The following RABGAP1L variants were observed in gnomAD, a reference collection of about 807,000 sequenced individuals.
RABGAP1L encodes the protein RAB GTPase activating protein 1 like.
A neutral mutation model predicts 137.7 loss-of-function variants in RABGAP1L; 63 were observed. The observed-to-expected ratio is 0.46, with a 90% CI of 0.37 to 0.56. The LOEUF is 0.56. RABGAP1L is among the 20% of genes least tolerant of loss of function. The probability of loss-of-function intolerance (pLI) is 0.00; values close to 1 mark genes in which losing one functional copy is unlikely to be tolerated. For synonymous variants in RABGAP1L, 431 were observed against 433.7 expected, an observed-to-expected ratio of 0.99 and a Z score of 0.08; for missense variants, 1,095 against 1,244.0, an observed-to-expected ratio of 0.88 and a Z score of 1.80.
intron 19 of RABGAP1L, chr1:174,874,551 A>C (rs182869485): frequency 1.3e-3 from 798 of 612,306 alleles, no homozygotes; most frequent in Non-Finnish European, 1.5e-3. Flanking sequence ...ACAGCCCTTG[A>C]TCTCAGGTAA....
At position 174,275,822 on chromosome 1, in the gene RABGAP1L, A is replaced by G; in HGVS notation, c.1054-11A>G. ...GTCTTTTATCAGTAATTACTGTTTGAATTTTTATAGGAATCCATGGGAAAG... is the reference window on the plus strand; with the variant it reads ...GTCTTTTATCAGTAATTACTGTTTGGATTTTTATAGGAATCCATGGGAAAG... On this transcript the variant is annotated splice_polypyrimidine_tract_variant and intron_variant, in intron 8 of 25. Transcript: ENST00000681986. The G allele has an allele frequency of 6.2e-7, 1 of 1,600,246 alleles. No homozygotes were observed. The highest frequency in any genetic ancestry group is 1.1e-5 in the South Asian group (1 of 88,784).
intron 13 of RABGAP1L, among the ~76,000 whole-genome samples, chr1:174,563,779 T>G (rs1362159654): frequency 1.3e-5 from 2 of 152,126 alleles, no homozygotes; most frequent in Non-Finnish European, 2.9e-5. Flanking sequence ...ATATACCTTT[T>G]CTGTTCTGGT....
intron 11 of RABGAP1L, among the ~76,000 whole-genome samples, chr1:174,330,129 A>G (rs1434128020): frequency 6.6e-6 from 1 of 152,184 alleles, no homozygotes; most frequent in Non-Finnish European, 1.5e-5. Flanking sequence ...TTTGCAGACA[A>G]TATGATTATC....
At chr1:174,304,947 G>T (rs763007858) in intron 10 of RABGAP1L, 39 bp from the exon 11 acceptor site, 1 of 1,472,184 alleles carries the variant, frequency 6.8e-7, no homozygotes, top group Non-Finnish European at 9.1e-7. Context: ...GTTTCCTTCA[G>T]ATTTCTAATA....
At chr1:174,980,256 G>A (rs1017640413) in intron 23 of RABGAP1L, among the ~76,000 whole-genome samples, 5 of 151,982 alleles carry the variant, frequency 3.3e-5, no homozygotes, top group African/African-American at 7.3e-5. Flanking sequence ...ATTCACGGAC[G>A]ATTGATAAAT....
At chr1:174,470,941 G>T (rs1161134794) in intron 13 of RABGAP1L, among the ~76,000 whole-genome samples, 1 of 152,020 alleles carries the variant, frequency 6.6e-6, no homozygotes, top group African/African-American at 2.4e-5. Context: ...CATTTTCTCA[G>T]TCAAGAATTA....
intron 18 of RABGAP1L, among the ~76,000 whole-genome samples, chr1:174,769,852 CA>C (rs573149215): frequency 3.4e-5 from 5 of 145,228 alleles, no homozygotes; most frequent in Non-Finnish European, 3.0e-5. Flanking sequence ...GACTCCGTCT[CA>C]AAAAAAAAAG....
intron 19 of RABGAP1L, chr1:174,897,228 GCTCT>G: frequency 6.6e-6 from 1 of 152,124 alleles, no homozygotes; most frequent in Admixed American, 6.5e-5. Flanking sequence ...TCATGATTTG[GCTCT>G]CTGTTTGTCT....
chr1:174,397,622 T>C (rs1484585988), intron 13 of RABGAP1L, among the ~76,000 whole-genome samples: 1 of 152,234 alleles, frequency 6.6e-6, no homozygotes, highest in Non-Finnish European at 1.5e-5. Flanking sequence ...GTTTACCTGA[T>C]TAAACCCTGT....
chr1:174,586,190 A>G (rs914296473), intron 13 of RABGAP1L, among the ~76,000 whole-genome samples: 3 of 152,216 alleles, frequency 2.0e-5, no homozygotes, highest in African/African-American at 7.2e-5. Flanking sequence ...AATACTATGC[A>G]GCCATAAAAA....
intron 18 of RABGAP1L, among the ~76,000 whole-genome samples, chr1:174,792,091 A>G (rs1029846303): frequency 1.3e-5 from 2 of 152,210 alleles, no homozygotes; most frequent in African/African-American, 2.4e-5. Context: ...CCTGCCGTGC[A>G]TCTGTGCTCT....
At chr1:174,341,520 G>T (rs527830755) in intron 11 of RABGAP1L, among the ~76,000 whole-genome samples, 1 of 152,088 alleles carries the variant, frequency 6.6e-6, no homozygotes, top group African/African-American at 2.4e-5. Context: ...AAACTTGACC[G>T]CTTACTCATG....
chr1:174,915,881 T>A (rs1660780367), intron 19 of RABGAP1L, among the ~76,000 whole-genome samples: 2 of 152,194 alleles, frequency 1.3e-5, no homozygotes, highest in Non-Finnish European at 2.9e-5. Flanking sequence ...TGTGGCTTTT[T>A]AAAAATTAAT....
chr1:174,490,400 C>T (rs1483960463), intron 13 of RABGAP1L, among the ~76,000 whole-genome samples: 1 of 152,130 alleles, frequency 6.6e-6, no homozygotes, highest in African/African-American at 2.4e-5. Flanking sequence ...GGCAGAGACA[C>T]TTGTTCTCTT....
At chr1:174,883,203 C>T (rs1048257524) in intron 19 of RABGAP1L, among the ~76,000 whole-genome samples, 2 of 152,224 alleles carry the variant, frequency 1.3e-5, no homozygotes, top group African/African-American at 2.4e-5. Context: ...AGTAACTTCT[C>T]TAAGCCTTGG....
chr1:174,274,666 A>G (rs1349428905), intron 8 of RABGAP1L, among the ~76,000 whole-genome samples: 2 of 148,542 alleles, frequency 1.3e-5, no homozygotes, highest in African/African-American at 5.2e-5. Flanking sequence ...CCATTATCAT[A>G]TGAGTGTGTT....
At chr1:174,332,949 AATGTATT>A (rs1304785775) in intron 11 of RABGAP1L, among the ~76,000 whole-genome samples, 1 of 152,222 alleles carries the variant, frequency 6.6e-6, no homozygotes, top group Non-Finnish European at 1.5e-5. Flanking sequence ...GGATAAAGAA[AATGTATT>A]ATACATACAC....
intron 14 of RABGAP1L, among the ~76,000 whole-genome samples, chr1:174,659,236 C>CAA (rs11333708): frequency 2.4e-5 from 3 of 124,570 alleles, no homozygotes; most frequent in South Asian, 2.7e-4. Context: ...TTTACTTTAC[C>CAA]AAAAAAAAAA....
intron 14 of RABGAP1L, among the ~76,000 whole-genome samples, chr1:174,679,269 G>A (rs1572780800): frequency 6.6e-6 from 1 of 152,202 alleles, no homozygotes; most frequent in East Asian, 1.9e-4. Context: ...GGTGGATGCA[G>A]TCACCTTCCC....
Sources: gnomAD v4.1 joint callset for allele counts (sites outside exome capture counted in the v4.1 genomes callset) on GRCh38, gnomAD v4.1.1 for gene constraint, MANE v1.5 for transcripts, NCBI Gene and HGNC (gene_info 2026-07-23, HGNC 2026-07-21) for gene names.